The following PAM variants were observed in gnomAD, a reference collection of about 807,000 sequenced individuals.
PAM encodes peptidyl-glycine alpha-amidating monooxygenase.
PAM carries 72 observed loss-of-function variants against 122.1 expected under a neutral mutation model. The observed-to-expected ratio is 0.59, with a 90% CI of 0.49 to 0.72. The LOEUF (loss-of-function observed/expected upper bound fraction) is 0.72, where lower values mean the gene tolerates loss of function less well. PAM is among the 30% of genes least tolerant of loss of function. The pLI is 0.00. For synonymous variants in PAM, 389 were observed against 404.4 expected (o/e 0.96, Z 0.46); for missense variants, 1,106 against 1,183.7 (o/e 0.93, Z 0.96).
At chr5:102,780,081 C>T (rs1580969321) in intron 1 of PAM, among the ~76,000 whole-genome samples, 2 of 151,778 alleles carry the variant, frequency 1.3e-5, no homozygotes, top group East Asian at 3.9e-4. Flanking sequence ...ATGATGAAAA[C>T]GTGTGCCCCC....
intron 1 of PAM, among the ~76,000 whole-genome samples, chr5:102,784,126 C>T (rs896364080): frequency 4.6e-5 from 7 of 151,990 alleles, no homozygotes; most frequent in Non-Finnish European, 1.0e-4. Context: ...ATCTCCTGAC[C>T]TTGTGATCCG....
intron 7 of PAM, among the ~76,000 whole-genome samples, chr5:102,935,617 T>A (rs1752999004): frequency 1.3e-5 from 2 of 152,264 alleles, no homozygotes; most frequent in South Asian, 4.1e-4. Flanking sequence ...CGACAGTTTT[T>A]CCAGTTTACA....
At chr5:102,961,562 C>T (rs1003220535) in intron 14 of PAM, among the ~76,000 whole-genome samples, 3 of 151,834 alleles carry the variant, frequency 2.0e-5, no homozygotes, top group African/African-American at 4.8e-5. Flanking sequence ...ATAACCTTAA[C>T]CATTTAAATT....
intron 6 of PAM, 125 bp downstream of exon 6, chr5:102,925,167 G>A: frequency 1.5e-6 from 1 of 655,658 alleles, no homozygotes; most frequent in East Asian, 2.5e-5. Flanking sequence ...CACAGTGAAA[G>A]TACTTGCATT....
At chr5:102,814,561 AGATATATACATATATT>A (rs1168666341) in intron 1 of PAM, among the ~76,000 whole-genome samples, 5 of 146,912 alleles carry the variant, frequency 3.4e-5, no homozygotes, top group East Asian at 1.9e-4. Flanking sequence ...ACATATATAT[AGATATATACATATATT>A]GATATATACA....
rs1409390842 is a variant in PAM, at chr5:102,758,068, ATTTTGTTTTTTTTTTTTTTT to A, written c.-374+2725_-374+2744del. On this transcript the variant is annotated intron_variant, in intron 1 of 25. Transcript: ENST00000438793. ...AAAAAAAAAAAAAAAAAGACTTAGA[ATTTTGTTTTTTTTTTTTTTT>A]TTTTTTTTTTTTTTTTTTTTCTTGG... 5.4e-3 allele frequency among the ~76,000 whole-genome samples: 475 copies of A among 87,618 alleles called. 11 individuals carry two copies. Among genetic ancestry groups the A allele is most frequent in the African/African-American group, 5.5e-3 (127 of 23,108 alleles). 57.5% of individuals were successfully genotyped at this position (87,618 alleles called of 152,430 possible).
chr5:102,926,489 T>C (rs1749606097), intron 6 of PAM, 96 bp from the exon 7 acceptor site: 4 of 724,102 alleles, frequency 5.5e-6, no homozygotes, highest in Admixed American at 2.1e-5. Flanking sequence ...ATATGTTATA[T>C]GTTATTTCCC....
chr5:103,006,796 A>T lies in PAM; in HGVS notation c.1804-5A>T, dbSNP rs79621119. The stretch of plus-strand genomic sequence containing the variant: ...TAGGTAAGGCTTTTGTTCCTTTTTA[A>T]AAAGGTGTTCAAACTGGATCCAAAC... On this transcript the variant is annotated splice_polypyrimidine_tract_variant and splice_region_variant and intron_variant, in intron 18 of 25. Transcript: ENST00000438793. The T allele has an allele frequency of 1.6e-3, 2,603 of 1,603,650 alleles. 34 individuals carry two copies. The African/African-American group carries it at 0.027, about 17-fold the overall frequency.
chr5:102,978,093 C>T (rs1433539275), intron 15 of PAM, among the ~76,000 whole-genome samples: 2 of 152,012 alleles, frequency 1.3e-5, no homozygotes, highest in Non-Finnish European at 2.9e-5. Flanking sequence ...AAATGAAATA[C>T]CAAAGTATAA....
At position 102,947,165 on chromosome 5, in the gene PAM, A is replaced by T. The variant is rs139511378; in HGVS notation, c.575+280A>T. Among the ~76,000 whole-genome samples the T allele has an allele frequency of 3.9e-5, 6 of 152,216 alleles. No homozygotes were observed. In the East Asian group the frequency reaches 1.2e-3, roughly 29 times the overall value. On this transcript the variant is annotated intron_variant, in intron 8 of 25. Transcript: ENST00000438793. ...GGAGGAGCCACTTCCAACATCACTC[A>T]CATAGTTGTCGGCAGGCTTCAGTTC...
chr5:102,974,633 C>T, intron 15 of PAM, 197 bp downstream of exon 15: 1 of 446,958 alleles, frequency 2.2e-6, no homozygotes, highest in Non-Finnish European at 3.9e-6. Flanking sequence ...TGGTCTATTA[C>T]TGCATAAATT....
At chr5:102,785,383 T>C (rs1422593211) in intron 1 of PAM, among the ~76,000 whole-genome samples, 1 of 152,240 alleles carries the variant, frequency 6.6e-6, no homozygotes, top group Non-Finnish European at 1.5e-5. Flanking sequence ...CTTTGTACTT[T>C]TGTGTTTTAC....
intron 14 of PAM, among the ~76,000 whole-genome samples, chr5:102,963,557 T>C (rs1763143198): frequency 6.6e-6 from 1 of 152,018 alleles, no homozygotes; most frequent in Non-Finnish European, 1.5e-5. Context: ...TTTAATACTT[T>C]TTAGCCCCAA....
chr5:102,876,555 G>A (rs1789276608), intron 3 of PAM, among the ~76,000 whole-genome samples: 1 of 152,090 alleles, frequency 6.6e-6, no homozygotes, highest in African/African-American at 2.4e-5. Context: ...TAGTGTCATA[G>A]ATAAACAAAG....
At chr5:102,907,588 A>C (rs1252110067) in intron 4 of PAM, among the ~76,000 whole-genome samples, 1 of 150,584 alleles carries the variant, frequency 6.6e-6, no homozygotes, top group Non-Finnish European at 1.5e-5. Context: ...AGTCCCACCA[A>C]CAGTGTAAAA....
At chr5:102,882,626 G>T (rs1460225850) in intron 3 of PAM, among the ~76,000 whole-genome samples, 1 of 152,012 alleles carries the variant, frequency 6.6e-6, no homozygotes, top group Non-Finnish European at 1.5e-5. Context: ...TTAGTCCTTT[G>T]TCAAATGTAT....
rs35825092 is a variant in PAM at position 102,841,406 on chromosome 5, T to TACACACACACACACAC, written c.-373-24393_-373-24378dup. Among the ~76,000 whole-genome samples the TACACACACACACACAC allele has an allele frequency of 2.1e-3, 292 of 138,532 alleles. 5 individuals carry two copies. The East Asian group carries it at 0.022, about 11-fold the overall frequency. 90.9% of individuals were successfully genotyped at this position (138,532 alleles called of 152,430 possible). A position where few individuals can be genotyped will look rare whatever the true frequency, so the allele number is the denominator to read the frequency against. ...CTGTTCATTCTCAAACACCTACAAA[T>TACACACACACACACAC]ACACACACACACACACACACACACA... On this transcript the variant is annotated intron_variant, in intron 1 of 25. Transcript: ENST00000438793.
At chr5:103,015,387 T>C (rs946294939) in intron 21 of PAM, among the ~76,000 whole-genome samples, 13 of 152,178 alleles carry the variant, frequency 8.5e-5, no homozygotes, top group African/African-American at 3.1e-4. Context: ...CCAGGCTTTG[T>C]CACCAGATGC....
At chr5:102,864,184 A>ATATATTT (rs1472850333) in intron 1 of PAM, among the ~76,000 whole-genome samples, 1 of 133,696 alleles carries the variant, frequency 7.5e-6, no homozygotes, top group African/African-American at 2.9e-5. Flanking sequence ...ATATATATAT[A>ATATATTT]TTTTTTTTTT....
Sources: gnomAD v4.1 joint callset for allele counts (sites outside exome capture counted in the v4.1 genomes callset) on GRCh38, gnomAD v4.1.1 for gene constraint, MANE v1.5 for transcripts, NCBI Gene and HGNC (gene_info 2026-07-23, HGNC 2026-07-21) for gene names.